ABCC4: variants seen among roughly 807,000 people sequenced by gnomAD.
The protein encoded by ABCC4 is ATP binding cassette subfamily C member 4 (PEL blood group).
ABCC4 carries 102 observed loss-of-function variants against 168.5 expected under a neutral mutation model. That is an observed-to-expected ratio of 0.61 (90% confidence interval 0.52 to 0.71). The LOEUF is 0.71. Among genes scored for constraint, ABCC4 ranks in the 30% least tolerant of loss-of-function variants. ABCC4 has a pLI of 0.00. For synonymous variants in ABCC4, 617 were observed against 590.7 expected (o/e 1.04, Z -0.65); for missense variants, 1,402 against 1,605.8 (o/e 0.87, Z 2.17).
chr13:95,127,488 G>C (rs143760008), intron 19 of ABCC4, among the ~76,000 whole-genome samples: 2,255 of 152,202 alleles, frequency 0.015, 61 homozygotes, highest in African/African-American at 0.052. Context: ...ATGTTGGCCA[G>C]GCTGGTCTCG....
intron 20 of ABCC4, among the ~76,000 whole-genome samples, chr13:95,086,027 C>T (rs1372146560): frequency 6.7e-6 from 1 of 149,094 alleles, no homozygotes; most frequent in Non-Finnish European, 1.5e-5. Flanking sequence ...GCATTTAATA[C>T]CGAAATATAT....
intron 13 of ABCC4, among the ~76,000 whole-genome samples, chr13:95,174,614 G>C (rs928911125): frequency 2.5e-4 from 38 of 152,314 alleles, no homozygotes; most frequent in African/African-American, 8.7e-4. Context: ...ATGAAAATCT[G>C]AGGGAGCTTG....
chr13:95,277,249 C>T (rs919291979), intron 1 of ABCC4, among the ~76,000 whole-genome samples: 1 of 151,866 alleles, frequency 6.6e-6, no homozygotes, highest in African/African-American at 2.4e-5. Context: ...GAGGGAAAGG[C>T]AATCACACTA....
At chr13:95,094,859 A>G (rs1009608829) in intron 20 of ABCC4, among the ~76,000 whole-genome samples, 1 of 152,156 alleles carries the variant, frequency 6.6e-6, no homozygotes, top group African/African-American at 2.4e-5. Context: ...TGGACTTAGG[A>G]CATGAAGAGA....
intron 18 of ABCC4, among the ~76,000 whole-genome samples, chr13:95,162,047 A>G (rs1192775733): frequency 6.6e-6 from 1 of 152,186 alleles, no homozygotes; most frequent in Non-Finnish European, 1.5e-5. Context: ...TTCATTCACA[A>G]TGCTAAATAC....
At chr13:95,280,116 G>A (rs1295896375) in intron 1 of ABCC4, among the ~76,000 whole-genome samples, 1 of 152,116 alleles carries the variant, frequency 6.6e-6, no homozygotes, top group Non-Finnish European at 1.5e-5. Context: ...ACTTCTCACA[G>A]TATAACTATC....
chr13:95,290,870 A>T (rs2041382856), intron 1 of ABCC4, among the ~76,000 whole-genome samples: 1 of 149,914 alleles, frequency 6.7e-6, no homozygotes, highest in African/African-American at 2.5e-5. Context: ...GGTGGCAAGC[A>T]CCTGTAATCC....
chr13:95,236,597 T>C (rs79312488), intron 3 of ABCC4, among the ~76,000 whole-genome samples: 42,099 of 92,306 alleles, frequency 0.46, 6,504 homozygotes, highest in Non-Finnish European at 0.49. Flanking sequence ...AACGCGCGCG[T>C]GCGCGCACAC....
intron 3 of ABCC4, among the ~76,000 whole-genome samples, chr13:95,243,759 C>A (rs1251692376): frequency 2.0e-5 from 3 of 151,988 alleles, no homozygotes; most frequent in African/African-American, 7.3e-5. Flanking sequence ...ATGGTGCATG[C>A]CTATAGTCAC....
chr13:95,091,070 T>G (rs2034418580), intron 20 of ABCC4, among the ~76,000 whole-genome samples: 1 of 152,168 alleles, frequency 6.6e-6, no homozygotes, highest in African/African-American at 2.4e-5. Context: ...CAAGGTCTTC[T>G]AATTAACCCA....
Position 95,233,121 on chromosome 13 carries a change from G to A in ABCC4, c.531+1489C>T. Among the ~76,000 whole-genome samples, 2 of 151,856 alleles carry A rather than the reference G, an allele frequency of 1.3e-5. 1 individual carries two copies. The highest frequency in any genetic ancestry group is 2.9e-5 in the Non-Finnish European group (2 of 68,002). ...ATTTGTTTATAGTACCTAATACAATGTATATTTACATTATACAATGTACAA... is the reference window on the plus strand; with the variant it reads ...ATTTGTTTATAGTACCTAATACAATATATATTTACATTATACAATGTACAA... On this transcript the variant is annotated intron_variant, in intron 4 of 30. Coordinates refer to ENST00000645237, the MANE Select transcript of ABCC4 (RefSeq NM_005845.5).
At chr13:95,270,340 GA>G (rs10583122) in intron 1 of ABCC4, among the ~76,000 whole-genome samples, 82,042 of 129,952 alleles carry the variant, frequency 0.63, 27,542 homozygotes, top group Non-Finnish European at 0.75. Context: ...ACCAGGCTGT[GA>G]AAAAAAAAAA....
At chr13:95,288,212 A>G (rs17235173) in intron 1 of ABCC4, among the ~76,000 whole-genome samples, 1,527 of 152,232 alleles carry the variant, frequency 0.01, 39 homozygotes, top group East Asian at 0.083. Flanking sequence ...ATACAAGATC[A>G]TGGGTCTTCT....
Position 95,043,693 on chromosome 13 carries a change from C to G in ABCC4, c.3724G>C (p.Asp1242His). 1 of 1,610,998 alleles carries G rather than the reference C, an allele frequency of 6.2e-7. No homozygotes were observed. Among genetic ancestry groups the G allele is most frequent in the South Asian group, 1.1e-5 (1 of 90,724 alleles). Residue 1242 changes from aspartate to histidine, a missense_variant, in exon 29 of 31, where the codon GAC (aspartate) becomes CAC (histidine). Transcript: ENST00000645237. ...AHRLNTIIDS[D>H]KIMVLDSGRL... ...GGTGAAGGACTCACCATTATCTTGT[C>G]GCTGTCAATAATGGTGTTCAATCTG...
intron 19 of ABCC4, among the ~76,000 whole-genome samples, chr13:95,126,191 C>T (rs2035753834): frequency 6.6e-6 from 1 of 152,118 alleles, no homozygotes; most frequent in African/African-American, 2.4e-5. Flanking sequence ...CTCCAGTATC[C>T]TGTCACTGTC....
At chr13:95,293,936 T>C (rs2041464408) in intron 1 of ABCC4, among the ~76,000 whole-genome samples, 2 of 151,956 alleles carry the variant, frequency 1.3e-5, no homozygotes, top group East Asian at 1.9e-4. Context: ...TGTGCCACCA[T>C]GAAAGAAGGC....
chr13:95,243,583 G>A (rs1291026879), intron 3 of ABCC4, among the ~76,000 whole-genome samples: 1 of 150,844 alleles, frequency 6.6e-6, no homozygotes, highest in Non-Finnish European at 1.5e-5. Context: ...GTGGGAGACA[G>A]GTTTCTAAAG....
chr13:95,127,138 C>T (rs2035808947), intron 19 of ABCC4, among the ~76,000 whole-genome samples: 1 of 152,052 alleles, frequency 6.6e-6, no homozygotes, highest in Non-Finnish European at 1.5e-5. Context: ...TGCTCCTCTT[C>T]ACACCATGGC....
chr13:95,084,843 G>A (rs980166846), intron 20 of ABCC4, among the ~76,000 whole-genome samples: 13 of 152,058 alleles, frequency 8.5e-5, no homozygotes, highest in Non-Finnish European at 1.8e-4. Flanking sequence ...AAATTACCTT[G>A]GTCTAAAAGG....
Sources: allele counts gnomAD v4.1 joint callset (sites outside exome capture counted in the v4.1 genomes callset), GRCh38; gene constraint gnomAD v4.1.1; transcripts MANE v1.5; gene names NCBI Gene and HGNC (gene_info 2026-07-23, HGNC 2026-07-21).